NXPE2: variants seen among roughly 807,000 people sequenced by gnomAD.
NXPE2 encodes neurexophilin and PC-esterase domain family member 2.
In NXPE2, 34 loss-of-function variants were observed where a neutral mutation model predicts 34.4. The observed-to-expected ratio is 0.99, with a 90% CI of 0.75 to 1.31. The LOEUF (loss-of-function observed/expected upper bound fraction) is 1.31, where lower values mean the gene tolerates loss of function less well. NXPE2 is among the 40% of genes most tolerant of loss of function. The probability of loss-of-function intolerance (pLI) is 0.00; values close to 1 mark genes in which losing one functional copy is unlikely to be tolerated. For missense variants in NXPE2, 649 were observed against 672.5 expected, an observed-to-expected ratio of 0.97 and a Z score of 0.39; for synonymous variants, 235 against 231.3, an observed-to-expected ratio of 1.02 and a Z score of -0.15.
the NXPE2 span, among the ~76,000 whole-genome samples, chr11:114,754,957 C>T: frequency 5.3e-5 from 8 of 152,140 alleles, no homozygotes; most frequent in African/African-American, 1.9e-4. Context: ...ATGGCTACAA[C>T]AGTGCATATG....
chr11:114,801,291 C>T, the NXPE2 span, among the ~76,000 whole-genome samples: 1 of 152,196 alleles, frequency 6.6e-6, no homozygotes, highest in African/African-American at 2.4e-5. Flanking sequence ...GAAGTCTTCT[C>T]TGAGGCATTG....
At chr11:114,749,060 C>T in the NXPE2 span, among the ~76,000 whole-genome samples, 1 of 152,094 alleles carries the variant, frequency 6.6e-6, no homozygotes, top group African/African-American at 2.4e-5. Context: ...ATTCCAAATT[C>T]ATCTTGTAAT....
At chr11:114,516,075 CAATT>C in the NXPE2 span, among the ~76,000 whole-genome samples, 1 of 152,200 alleles carries the variant, frequency 6.6e-6, no homozygotes, top group African/African-American at 2.4e-5. Flanking sequence ...TATAGCCACA[CAATT>C]AATAACTACC....
the NXPE2 span, among the ~76,000 whole-genome samples, chr11:114,736,369 A>G: frequency 6.6e-6 from 1 of 152,120 alleles, no homozygotes; most frequent in Admixed American, 6.5e-5. Flanking sequence ...TCAGAGGCCC[A>G]CCCTCAGGGG....
the NXPE2 span, among the ~76,000 whole-genome samples, chr11:114,671,386 G>A: frequency 1.3e-5 from 2 of 151,814 alleles, no homozygotes; most frequent in Non-Finnish European, 2.9e-5. Flanking sequence ...AGAAATAATG[G>A]CTGAAAATTC....
At chr11:114,476,338 C>T in the NXPE2 span, among the ~76,000 whole-genome samples, 5 of 152,176 alleles carry the variant, frequency 3.3e-5, no homozygotes. Flanking sequence ...CAAATTAGCT[C>T]TTCAGGAGAC....
At chr11:114,602,284 ATGT>A in the NXPE2 span, among the ~76,000 whole-genome samples, 1,272 of 119,264 alleles carry the variant, frequency 0.011, 24 homozygotes, top group African/African-American at 0.039. Context: ...TACTATATAT[ATGT>A]TATCTATAAC....
chr11:114,634,935 T>A, the NXPE2 span, among the ~76,000 whole-genome samples: 1 of 152,048 alleles, frequency 6.6e-6, no homozygotes, highest in South Asian at 2.1e-4. Context: ...TAGGATGAAC[T>A]TGGTGATGAG....
the NXPE2 span, among the ~76,000 whole-genome samples, chr11:114,590,979 C>A: frequency 1.9e-4 from 29 of 152,134 alleles, no homozygotes; most frequent in Non-Finnish European, 4.1e-4. Flanking sequence ...CTTTCCTCCC[C>A]AAGAAAACTG....
At chr11:114,803,689 G>T in the NXPE2 span, among the ~76,000 whole-genome samples, 2 of 151,746 alleles carry the variant, frequency 1.3e-5, no homozygotes, top group African/African-American at 4.8e-5. Flanking sequence ...CAATTCTCCT[G>T]CCTCAGCCTC....
the NXPE2 span, among the ~76,000 whole-genome samples, chr11:114,472,902 G>C: frequency 6.6e-6 from 1 of 152,114 alleles, no homozygotes; most frequent in Non-Finnish European, 1.5e-5. Context: ...GGGTTGTTTT[G>C]TTTTAAATGT....
chr11:114,490,026 A>G, the NXPE2 span, among the ~76,000 whole-genome samples: 2 of 152,222 alleles, frequency 1.3e-5, no homozygotes, highest in South Asian at 2.1e-4. Context: ...TACAAAATCA[A>G]TGTGCAAAAA....
At chr11:114,487,799 A>G in the NXPE2 span, among the ~76,000 whole-genome samples, 1 of 151,270 alleles carries the variant, frequency 6.6e-6, no homozygotes. Context: ...ATGTGATATG[A>G]TATATCACAT....
At chr11:114,524,176 A>T in the NXPE2 span, among the ~76,000 whole-genome samples, 2 of 152,188 alleles carry the variant, frequency 1.3e-5, no homozygotes, top group East Asian at 3.9e-4. Context: ...TTTTGCTTTT[A>T]AAGCATGACC....
At chr11:114,706,276 C>T (rs1219105312) in intron 5 of NXPE2, 119 bp from the exon 6 acceptor site, 1 of 813,352 alleles carries the variant, frequency 1.2e-6, no homozygotes, top group Middle Eastern at 3.7e-4. Context: ...ATCCACCTTA[C>T]ATAGGCAATA....
At chr11:114,652,996 C>T in the NXPE2 span, among the ~76,000 whole-genome samples, 1 of 152,160 alleles carries the variant, frequency 6.6e-6, no homozygotes, top group Admixed American at 6.5e-5. Flanking sequence ...AGCAAATTTG[C>T]AACCTCTGTG....
the NXPE2 span, among the ~76,000 whole-genome samples, chr11:114,533,217 T>G: frequency 1.3e-5 from 2 of 152,166 alleles, no homozygotes; most frequent in African/African-American, 4.8e-5. Flanking sequence ...GTTAGCAAAT[T>G]ATTAGTATTA....
the NXPE2 span, among the ~76,000 whole-genome samples, chr11:114,604,063 G>C: frequency 2.0e-5 from 3 of 151,894 alleles, no homozygotes; most frequent in African/African-American, 7.3e-5. Context: ...CTGCTACCTG[G>C]TGGATAATAA....
the NXPE2 span, among the ~76,000 whole-genome samples, chr11:114,791,891 T>TAAAC: frequency 6.6e-6 from 1 of 152,012 alleles, no homozygotes; most frequent in Admixed American, 6.6e-5. Context: ...CTGTCTCTAC[T>TAAAC]AAACAAAATA....
Sources: gnomAD v4.1 joint callset for allele counts (sites outside exome capture counted in the v4.1 genomes callset) on GRCh38, gnomAD v4.1.1 for gene constraint, MANE v1.5 for transcripts, NCBI Gene and HGNC (gene_info 2026-07-23, HGNC 2026-07-21) for gene names.